The following LRP1B variants were observed in gnomAD, a reference collection of about 807,000 sequenced individuals.
The protein encoded by LRP1B is LDL receptor related protein 1B.
LRP1B carries 217 observed loss-of-function variants against 556.6 expected under a neutral mutation model. That is an observed-to-expected ratio of 0.39 (90% CI 0.35 to 0.44). The LOEUF (loss-of-function observed/expected upper bound fraction) is 0.44, where lower values mean the gene tolerates loss of function less well. Among genes scored for constraint, LRP1B ranks in the 20% least tolerant of loss-of-function variants. The probability of loss-of-function intolerance (pLI) is 1.00; values close to 1 mark genes in which losing one functional copy is unlikely to be tolerated. For missense variants in LRP1B, 5,053 were observed against 5,620.8 expected (o/e 0.90, Z 3.23); for synonymous variants, 2,047 against 1,865.8 (o/e 1.10, Z -2.50).
chr2:140,663,416 G>A (rs1196482171), intron 41 of LRP1B, among the ~76,000 whole-genome samples: 1 of 152,142 alleles, frequency 6.6e-6, no homozygotes. Flanking sequence ...AATTATCTTA[G>A]CTAGACCTTC....
intron 2 of LRP1B, among the ~76,000 whole-genome samples, chr2:141,652,774 A>G (rs914598160): frequency 6.6e-6 from 1 of 152,146 alleles, no homozygotes; most frequent in Non-Finnish European, 1.5e-5. Flanking sequence ...CCAATCCCCA[A>G]TCTACCACTT....
At chr2:141,972,273 T>G (rs763356463) in intron 1 of LRP1B, among the ~76,000 whole-genome samples, 1 of 151,594 alleles carries the variant, frequency 6.6e-6, no homozygotes, top group Non-Finnish European at 1.5e-5. Context: ...TATATGTTAG[T>G]TGATTTAGAT....
intron 66 of LRP1B, among the ~76,000 whole-genome samples, chr2:140,439,001 A>G (rs1267738630): frequency 2.0e-5 from 3 of 152,214 alleles, no homozygotes; most frequent in African/African-American, 4.8e-5. Flanking sequence ...TAAACTGTAA[A>G]CTGGGGAGAG....
At chr2:140,613,399 A>ATGT (rs201789188) in intron 41 of LRP1B, among the ~76,000 whole-genome samples, 1 of 141,928 alleles carries the variant, frequency 7.0e-6, no homozygotes, top group African/African-American at 2.5e-5. Flanking sequence ...ATATAAATAT[A>ATGT]AATAATTATA....
chr2:141,116,155 A>G (rs1325944849), intron 7 of LRP1B, among the ~76,000 whole-genome samples: 2 of 152,168 alleles, frequency 1.3e-5, no homozygotes, highest in African/African-American at 4.8e-5. Flanking sequence ...AGATTCCTAA[A>G]GTAAAAAAAC....
chr2:140,446,884 C>G (rs977378013), intron 63 of LRP1B, among the ~76,000 whole-genome samples: 13 of 151,760 alleles, frequency 8.6e-5, no homozygotes, highest in African/African-American at 3.1e-4. Context: ...AGTAAAGAGA[C>G]AATCTATGAA....
At chr2:140,883,790 CA>C in intron 25 of LRP1B, 26 bp downstream of exon 25, 1 of 1,521,850 alleles carries the variant, frequency 6.6e-7, no homozygotes, top group Middle Eastern at 1.9e-4. Flanking sequence ...ATGCCAAAAT[CA>C]ATCTATAAAA....
At chr2:140,954,949 C>T (rs1441872689) in intron 18 of LRP1B, among the ~76,000 whole-genome samples, 1 of 151,902 alleles carries the variant, frequency 6.6e-6, no homozygotes, top group Non-Finnish European at 1.5e-5. Flanking sequence ...TAAAGAGAGA[C>T]ATGTACAGGA....
intron 2 of LRP1B, among the ~76,000 whole-genome samples, chr2:141,766,002 A>G (rs1252757417): frequency 1.3e-5 from 2 of 152,140 alleles, no homozygotes; most frequent in Admixed American, 6.5e-5. Context: ...GGAGCACGTG[A>G]AAAAAATCAC....
intron 3 of LRP1B, among the ~76,000 whole-genome samples, chr2:141,353,891 C>T (rs1177366576): frequency 2.0e-5 from 3 of 151,984 alleles, no homozygotes; most frequent in Non-Finnish European, 4.4e-5. Flanking sequence ...AGAAAATTTT[C>T]AGCGTAGCTA....
chr2:140,329,029 G>A (rs983645679), intron 79 of LRP1B, among the ~76,000 whole-genome samples: 1 of 152,056 alleles, frequency 6.6e-6, no homozygotes, highest in Non-Finnish European at 1.5e-5. Flanking sequence ...GGGGGAGCTA[G>A]GAGGCAATGT....
intron 1 of LRP1B, among the ~76,000 whole-genome samples, chr2:141,994,395 C>T (rs773096528): frequency 6.6e-6 from 1 of 152,114 alleles, no homozygotes; most frequent in Non-Finnish European, 1.5e-5. Context: ...TGGAAATTCA[C>T]GAAAGTCGAT....
At chr2:141,922,825 C>G (rs939173119) in intron 1 of LRP1B, among the ~76,000 whole-genome samples, 3 of 152,080 alleles carry the variant, frequency 2.0e-5, no homozygotes, top group African/African-American at 4.8e-5. Flanking sequence ...AGTAGCCAGG[C>G]GTGGTGGCTC....
intron 7 of LRP1B, among the ~76,000 whole-genome samples, chr2:141,107,654 ACAAG>A (rs2104956082): frequency 7.7e-6 from 1 of 129,508 alleles, no homozygotes; most frequent in African/African-American, 2.7e-5. Context: ...CAAAGAAAAA[ACAAG>A]AAAGAAAGAC....
At chr2:140,625,212 C>T (rs1184081338) in intron 41 of LRP1B, among the ~76,000 whole-genome samples, 2 of 152,086 alleles carry the variant, frequency 1.3e-5, no homozygotes, top group Non-Finnish European at 2.9e-5. Flanking sequence ...GTAAGATGAC[C>T]ATGCCTGTAA....
intron 1 of LRP1B, among the ~76,000 whole-genome samples, chr2:142,129,478 T>G (rs1707769759): frequency 6.6e-6 from 1 of 152,204 alleles, no homozygotes; most frequent in African/African-American, 2.4e-5. Flanking sequence ...TGAAGCAATA[T>G]TTTTTGTCAA....
intron 1 of LRP1B, among the ~76,000 whole-genome samples, chr2:142,070,173 G>A (rs530305840): frequency 2.2e-4 from 34 of 151,724 alleles, no homozygotes; most frequent in Non-Finnish European, 4.7e-4. Flanking sequence ...TAAGGCAAAC[G>A]GTCCAGAGCA....
intron 3 of LRP1B, among the ~76,000 whole-genome samples, chr2:141,458,732 C>T (rs1381280861): frequency 6.6e-6 from 1 of 152,032 alleles, no homozygotes; most frequent in African/African-American, 2.4e-5. Context: ...GTTACCTTAA[C>T]ATTCAGACAC....
At position 140,472,968 on chromosome 2, in the gene LRP1B, G is replaced by T. The variant is rs12612781; in HGVS notation, c.9625+2170C>A. On this transcript the variant is annotated intron_variant, in intron 60 of 90. Coordinates refer to ENST00000389484, the MANE Select transcript of LRP1B (RefSeq NM_018557.3). ...AATATTGGTCTGGTTTTAAAAAAGT[G>T]GCTAGTGATGAAGTAACACAAAAGT... Among the ~76,000 whole-genome samples, 5 of 151,980 alleles carry T rather than the reference G, an allele frequency of 3.3e-5. No individual in the cohort carries two copies. In the South Asian group the frequency reaches 1.0e-3, roughly 31 times the overall value.
Sources: allele counts gnomAD v4.1 joint callset (sites outside exome capture counted in the v4.1 genomes callset), GRCh38; gene constraint gnomAD v4.1.1; transcripts MANE v1.5; gene names NCBI Gene and HGNC (gene_info 2026-07-23, HGNC 2026-07-21).